Variants in MIPOL1 observed in about 807,000 individuals in gnomAD.
MIPOL1 encodes mirror-image polydactyly 1.
In MIPOL1, 57 loss-of-function variants were observed where a neutral mutation model predicts 60.9. The ratio of observed to expected loss-of-function variants is 0.94; its 90% CI spans 0.76 to 1.17. MIPOL1 has a LOEUF of 1.17. Among genes scored for constraint, MIPOL1 ranks in the 50% most tolerant of loss-of-function variants. The pLI is 0.00. For missense variants in MIPOL1, 551 were observed against 511.6 expected, an observed-to-expected ratio of 1.08 and a Z score of -0.74; for synonymous variants, 179 against 168.8, an observed-to-expected ratio of 1.06 and a Z score of -0.47.
At chr14:37,541,898 TTC>T (rs2095531236) in intron 12 of MIPOL1, among the ~76,000 whole-genome samples, 1 of 152,220 alleles carries the variant, frequency 6.6e-6, no homozygotes, top group South Asian at 2.1e-4. Context: ...CTTAGCATGT[TTC>T]TGTTTCTTTA....
chr14:37,451,838 G>T (rs1416842126), intron 11 of MIPOL1, among the ~76,000 whole-genome samples: 1 of 101,646 alleles, frequency 9.8e-6, no homozygotes, highest in Non-Finnish European at 1.6e-5. Context: ...TTTTTGAGAC[G>T]GAGTCTCGCT....
At chr14:37,475,438 A>G (rs1412873164) in intron 11 of MIPOL1, among the ~76,000 whole-genome samples, 1 of 151,868 alleles carries the variant, frequency 6.6e-6, no homozygotes, top group Non-Finnish European at 1.5e-5. Flanking sequence ...TGTCCAACTT[A>G]CCTGTTTTTT....
intron 1 of MIPOL1, among the ~76,000 whole-genome samples, chr14:37,245,637 A>C (rs1973082006): frequency 6.6e-6 from 1 of 152,130 alleles, no homozygotes; most frequent in Non-Finnish European, 1.5e-5. Context: ...TCGTCTCCAA[A>C]AATATTGGTG....
At chr14:37,471,824 A>G (rs948403514) in intron 11 of MIPOL1, among the ~76,000 whole-genome samples, 1 of 152,134 alleles carries the variant, frequency 6.6e-6, no homozygotes, top group Non-Finnish European at 1.5e-5. Flanking sequence ...ACCTACTTTT[A>G]TCTTTAAATC....
intron 3 of MIPOL1, among the ~76,000 whole-genome samples, chr14:37,258,138 C>T (rs1052769346): frequency 2.0e-5 from 3 of 152,074 alleles, no homozygotes; most frequent in East Asian, 1.9e-4. Context: ...CAGTGATTCC[C>T]GCTTAGTATC....
chr14:37,232,009 G>A (rs2153317112), intron 1 of MIPOL1, among the ~76,000 whole-genome samples: 1 of 152,114 alleles, frequency 6.6e-6, no homozygotes, highest in South Asian at 2.1e-4. Context: ...TTGAGCCCAG[G>A]AATTTGAGGC....
intron 7 of MIPOL1, among the ~76,000 whole-genome samples, chr14:37,302,423 C>T (rs2086375649): frequency 6.6e-6 from 1 of 150,968 alleles, no homozygotes; most frequent in Non-Finnish European, 1.5e-5. Context: ...GTAAAGTGTT[C>T]AGGTATTTGA....
At chr14:37,545,581 T>C (rs114771851) in intron 12 of MIPOL1, 1 of 541,346 alleles carries the variant, frequency 1.8e-6, no homozygotes, top group African/African-American at 2.0e-5. Context: ...GCCTTTTTAC[T>C]CTAAGATCAT....
chr14:37,239,975 A>C (rs1365202969), intron 1 of MIPOL1, among the ~76,000 whole-genome samples: 1 of 152,174 alleles, frequency 6.6e-6, no homozygotes, highest in Non-Finnish European at 1.5e-5. Flanking sequence ...GTCCTTTGGG[A>C]TTGATTACTA....
chr14:37,390,362 T>C (rs1595548739), intron 10 of MIPOL1, among the ~76,000 whole-genome samples: 1 of 152,044 alleles, frequency 6.6e-6, no homozygotes, highest in African/African-American at 2.4e-5. Flanking sequence ...ATCTGGAATG[T>C]CACTTATATA....
At chr14:37,235,079 T>C (rs1297507248) in intron 1 of MIPOL1, among the ~76,000 whole-genome samples, 5 of 151,744 alleles carry the variant, frequency 3.3e-5, no homozygotes, top group Non-Finnish European at 7.4e-5. Context: ...GCGTGAGCCA[T>C]TGTGCCCAGC....
chr14:37,330,448 A>AAATTTAACT (rs2089571923), intron 9 of MIPOL1, among the ~76,000 whole-genome samples: 1 of 152,178 alleles, frequency 6.6e-6, no homozygotes, highest in Non-Finnish European at 1.5e-5. Context: ...TACAAACATA[A>AAATTTAACT]TTCTAATTTA....
At chr14:37,291,045 G>A (rs543187594) in intron 7 of MIPOL1, among the ~76,000 whole-genome samples, 3 of 152,210 alleles carry the variant, frequency 2.0e-5, no homozygotes, top group Non-Finnish European at 4.4e-5. Flanking sequence ...AAATGATCTT[G>A]TGCTTTTTTA....
At chr14:37,310,481 T>C (rs1263530689) in intron 9 of MIPOL1, among the ~76,000 whole-genome samples, 3 of 152,198 alleles carry the variant, frequency 2.0e-5, no homozygotes, top group Non-Finnish European at 4.4e-5. Flanking sequence ...TTTGCACCCA[T>C]GTGCTCTGCC....
chr14:37,201,785 A>AC (rs1236710267), intron 1 of MIPOL1, among the ~76,000 whole-genome samples: 1 of 152,062 alleles, frequency 6.6e-6, no homozygotes, highest in African/African-American at 2.4e-5. Flanking sequence ...CATTCAGCCC[A>AC]CCATCCATGT....
chr14:37,527,906 G>T (rs2095457390), intron 12 of MIPOL1, among the ~76,000 whole-genome samples: 1 of 151,714 alleles, frequency 6.6e-6, no homozygotes, highest in Non-Finnish European at 1.5e-5. Context: ...TTAATTCTCT[G>T]TCAGGCTCAT....
chr14:37,253,828 C>G (rs1974488517), intron 3 of MIPOL1, among the ~76,000 whole-genome samples: 1 of 151,564 alleles, frequency 6.6e-6, no homozygotes, highest in Non-Finnish European at 1.5e-5. Flanking sequence ...AGGATAAAAT[C>G]TATTTTCGTC....
chr14:37,367,024 C>T (rs2092493578), intron 9 of MIPOL1, among the ~76,000 whole-genome samples: 1 of 151,888 alleles, frequency 6.6e-6, no homozygotes. Context: ...AAAATATAAA[C>T]ATTTTGACAA....
At chr14:37,339,851 A>C (rs1310169907) in intron 9 of MIPOL1, among the ~76,000 whole-genome samples, 1 of 152,184 alleles carries the variant, frequency 6.6e-6, no homozygotes, top group Non-Finnish European at 1.5e-5. Context: ...GACTGGCTTA[A>C]GAGGGGGTAC....
Sources: allele counts gnomAD v4.1 joint callset (sites outside exome capture counted in the v4.1 genomes callset), GRCh38; gene constraint gnomAD v4.1.1; transcripts MANE v1.5; gene names NCBI Gene and HGNC (gene_info 2026-07-23, HGNC 2026-07-21).